The following STRN4 variants were observed in gnomAD, a reference collection of about 807,000 sequenced individuals.
The protein encoded by STRN4 is striatin-4.
A neutral mutation model predicts 77.9 loss-of-function variants in STRN4; 27 were observed. The observed-to-expected ratio is 0.35, with a 90% CI of 0.26 to 0.48. The LOEUF is 0.48. Among genes scored for constraint, STRN4 ranks in the 20% least tolerant of loss-of-function variants. STRN4 has a pLI of 0.99. For synonymous variants in STRN4, 466 were observed against 443.1 expected, an observed-to-expected ratio of 1.05 and a Z score of -0.65; for missense variants, 798 against 1,049.7, an observed-to-expected ratio of 0.76 and a Z score of 3.31.
At chr19:46,722,411 C>A (rs1225274507) in intron 14 of STRN4, 71 bp from the exon 15 acceptor site, 28 of 1,477,172 alleles carry the variant, frequency 1.9e-5, no homozygotes, top group Non-Finnish European at 2.6e-5. Flanking sequence ...GAGGCACAAG[C>A]GCAGCGTGAC....
At position 46,738,094 on chromosome 19, in the gene STRN4, T is replaced by C; in HGVS notation, c.460+70A>G. 1 of 1,496,920 alleles carries C rather than the reference T, an allele frequency of 6.7e-7. No individual in the cohort carries two copies. The highest frequency in any genetic ancestry group is 1.1e-5 in the South Asian group (1 of 88,720). 92.7% of individuals were successfully genotyped at this position (1,496,920 alleles called of 1,614,324 possible). The stretch of plus-strand genomic sequence containing the variant: ...CAAAGTGAGAAAGAGGCACCCCATC[T>C]TCCTGCTTCTCCAGAACACTCAGCT... On this transcript the variant is annotated intron_variant, in intron 3 of 17. Transcript: ENST00000263280. This position sits in a 1 kb window ranked among gnomAD's most constrained non-coding sequence, Gnocchi z 4.5.
In STRN4 at chr19:46,723,204, G is replaced by A. The variant is rs1367840827; in HGVS notation, c.1675C>T (p.Leu559=). Residue 559 remains leucine, a synonymous_variant, in exon 13 of 18, where the codon CTG becomes TTG. Transcript: ENST00000263280. This position sits in a 1 kb window ranked among gnomAD's most constrained non-coding sequence, Gnocchi z 5.5. ...GLAFSPTSQR[L]ASCSADGTVR... is the part of the protein sequence containing the mutation. ...GTGCCATCAGCAGAACAGGAGGCCAGGCGCTGGGAGGTGGGACTGAAGGCC... is the reference window on the plus strand; with the variant it reads ...GTGCCATCAGCAGAACAGGAGGCCAAGCGCTGGGAGGTGGGACTGAAGGCC... The A allele has an allele frequency of 1.3e-6, 2 of 1,555,070 alleles. No homozygotes were observed. Among genetic ancestry groups the A allele is most frequent in the Non-Finnish European group, 1.7e-6 (2 of 1,150,056 alleles).
intron 6 of STRN4, among the ~76,000 whole-genome samples, chr19:46,729,818 C>G (rs2054207926): frequency 6.6e-6 from 1 of 152,212 alleles, no homozygotes; most frequent in Admixed American, 6.5e-5. Flanking sequence ...TCCTCAACAA[C>G]TCAGACGGAG....
rs546217905 is a variant in STRN4 at position 46,733,348 on chromosome 19, C to G, written c.540-112G>C. The G allele has an allele frequency of 1.0e-6, 1 of 969,542 alleles. No individual in the cohort carries two copies. Among genetic ancestry groups the G allele is most frequent in the African/African-American group, 1.6e-5 (1 of 61,570 alleles). The allele number at this position is 969,542 out of a possible 1,614,324, so 60.1% of individuals were successfully genotyped here. A position where few individuals can be genotyped will look rare whatever the true frequency, so the allele number is the denominator to read the frequency against. On this transcript the variant is annotated intron_variant, in intron 4 of 17. Transcript: ENST00000263280. The surrounding 1 kb of genome is among the most constrained non-coding windows in gnomAD (Gnocchi z 4.3). ...TAAGGGGCCACTTAAGAGCATACAC[C>G]AAAATCTGACATAAGCACACCCTCG...
intron 4 of STRN4, among the ~76,000 whole-genome samples, chr19:46,734,911 G>A (rs1278455058): frequency 6.6e-6 from 1 of 152,118 alleles, no homozygotes; most frequent in Admixed American, 6.5e-5. Flanking sequence ...TGATCTGCCC[G>A]CCTCGGCCTC....
At chr19:46,736,683 G>A (rs1358958881) in intron 4 of STRN4, 140 bp downstream of exon 4, 3 of 926,444 alleles carry the variant, frequency 3.2e-6, no homozygotes, top group Non-Finnish European at 4.9e-6. Flanking sequence ...CAGGGTGAAA[G>A]CCATTCCAGC....
chr19:46,741,468 G>A lies in STRN4; in HGVS notation c.283-2580C>T, dbSNP rs2122391742. Among the ~76,000 whole-genome samples the A allele has an allele frequency of 6.6e-6, 1 of 152,312 alleles. No individual in the cohort carries two copies. Among genetic ancestry groups the A allele is most frequent in the East Asian group, 1.9e-4 (1 of 5,178 alleles). ...AGAAAGACATGGTTGGAGCATCTCA[G>A]GGAGGTGGAAACCCACCAAAAACGG... On this transcript the variant is annotated intron_variant, in intron 1 of 17. Coordinates refer to ENST00000263280, the MANE Select transcript of STRN4 (RefSeq NM_013403.3). This position sits in a 1 kb window ranked among gnomAD's most constrained non-coding sequence, Gnocchi z 4.9.
chr19:46,745,484 C>G (rs1023129120), intron 1 of STRN4, among the ~76,000 whole-genome samples: 3 of 151,970 alleles, frequency 2.0e-5, no homozygotes, highest in Non-Finnish European at 2.9e-5. Flanking sequence ...CCTTACACAG[C>G]CCTCCTTCCG....
intron 1 of STRN4, among the ~76,000 whole-genome samples, chr19:46,739,824 T>C (rs939685650): frequency 1.3e-5 from 2 of 152,252 alleles, no homozygotes; most frequent in Non-Finnish European, 2.9e-5. Flanking sequence ...CCTCCCCTCA[T>C]GTGCTAGGTT....
chr19:46,736,880 G>A lies in STRN4; in HGVS notation c.482C>T (p.Ser161Leu), dbSNP rs139788124. The change falls in exon 4 of 18, where the codon TCG (serine) becomes TTG (leucine). Residue 161 changes from serine to leucine, a missense_variant. Around this residue, in one of 2 missense-constraint regions of STRN4, gnomAD observed 511 missense variants for 575.9 expected, o/e 0.89. Coordinates refer to ENST00000263280, the MANE Select transcript of STRN4 (RefSeq NM_013403.3). ...CAACGGGCTGTTCTCCAGGGTGACCGATTCCACGGGGCCATTGGAGACTGG... is the reference window on the plus strand; with the variant it reads ...CAACGGGCTGTTCTCCAGGGTGACCAATTCCACGGGGCCATTGGAGACTGG... ...SEQVSNGPVE[S>L]VTLENSPLVW... 1.9e-4 allele frequency: 309 copies of A among 1,612,666 alleles called. No individual in the cohort carries two copies. The highest frequency in any genetic ancestry group is 2.4e-4 in the Non-Finnish European group (288 of 1,179,388).
chr19:46,723,450 G>A lies in STRN4; in HGVS notation c.1595-166C>T, dbSNP rs1225006117. ...GAACTGTCCACTGCCAGGACAGCCC[G>A]GCAGCTGCTCACACTGCCCACTAGC... On this transcript the variant is annotated intron_variant, in intron 12 of 17. Coordinates refer to ENST00000263280, the MANE Select transcript of STRN4 (RefSeq NM_013403.3). This position sits in a 1 kb window ranked among gnomAD's most constrained non-coding sequence, Gnocchi z 5.5. 6.6e-6 allele frequency among the ~76,000 whole-genome samples: 1 copy of A among 152,266 alleles called. No individual in the cohort carries two copies.
chr19:46,745,820 G>A, intron 1 of STRN4: 2 of 223,386 alleles, frequency 9.0e-6, no homozygotes, highest in South Asian at 2.5e-4. Context: ...GAGCCCCGCG[G>A]CCAGCGTGCT....
Position 46,738,696 on chromosome 19 carries a change from T to A in STRN4, c.386+89A>T. ...AAAGAATGTCGACCCCAAATCTCCC[T>A]TAGCTGGAAGGAGGCGTGGCTGGTG... On this transcript the variant is annotated intron_variant, in intron 2 of 17. Coordinates refer to ENST00000263280, the MANE Select transcript of STRN4 (RefSeq NM_013403.3). This position sits in a 1 kb window ranked among gnomAD's most constrained non-coding sequence, Gnocchi z 4.5. The A allele has an allele frequency of 8.1e-7, 1 of 1,240,918 alleles. No individual in the cohort carries two copies. The highest frequency in any genetic ancestry group is 1.2e-6 in the Non-Finnish European group (1 of 844,856). 76.9% of individuals were successfully genotyped at this position (1,240,918 alleles called of 1,614,324 possible). A position where few individuals can be genotyped will look rare whatever the true frequency, so the allele number is the denominator to read the frequency against.
rs766953974 is a variant in STRN4, at chr19:46,746,146, C to T, written c.282+3G>A. On this transcript the variant is annotated splice_donor_region_variant and intron_variant, in intron 1 of 17. Coordinates refer to ENST00000263280, the MANE Select transcript of STRN4 (RefSeq NM_013403.3). ...GGGTCGGGGGTCCCGGGACAGCGCT[C>T]ACCTGTAACTCGGCGCGCTCGGCCT... The T allele has an allele frequency of 1.7e-5, 26 of 1,515,004 alleles. No individual in the cohort carries two copies. The highest frequency in any genetic ancestry group is 2.2e-5 in the Non-Finnish European group (25 of 1,138,408). 93.8% of individuals were successfully genotyped at this position (1,515,004 alleles called of 1,614,324 possible).
intron 14 of STRN4, 127 bp downstream of exon 14, chr19:46,722,683 T>C (rs1179253719): frequency 7.1e-6 from 10 of 1,417,038 alleles, no homozygotes; most frequent in Admixed American, 4.2e-5. Flanking sequence ...ACTTCCTTCC[T>C]GCTCAGGGCC....
At position 46,720,611 on chromosome 19, in the gene STRN4, G is replaced by A; in HGVS notation, c.2253C>T (p.Val751=). Residue 751 remains valine (V), a synonymous_variant, in exon 17 of 18, where the codon GTC becomes GTT. Coordinates refer to ENST00000263280, the MANE Select transcript of STRN4 (RefSeq NM_013403.3). ...CAGGGCCAGGTGGGCATCATACGAA[G>A]ACCTTGGCCAGGGCATCAGCGCCAG... ...ASAGADALAK[V]FV The A allele has an allele frequency of 6.3e-7, 1 of 1,583,840 alleles. No homozygotes were observed. The highest frequency in any genetic ancestry group is 8.6e-7 in the Non-Finnish European group (1 of 1,161,686).
rs750471813 is a variant in STRN4, at chr19:46,722,352, C to T, written c.1907-12G>A. 6.8e-6 allele frequency: 11 copies of T among 1,612,940 alleles called. No homozygotes were observed. Among genetic ancestry groups the T allele is most frequent in the Middle Eastern group, 1.6e-4 (1 of 6,076 alleles). On this transcript the variant is annotated splice_polypyrimidine_tract_variant and intron_variant, in intron 14 of 17. Transcript: ENST00000263280. The stretch of plus-strand genomic sequence containing the variant: ...GATCTGGGTTGGACCTGAAGGAAAA[C>T]GCAGGAAGAGGGAAGGATGTCAAGC...
Position 46,733,848 on chromosome 19 carries a change from T to C in STRN4, c.540-612A>G, listed in dbSNP as rs999577805. On this transcript the variant is annotated intron_variant, in intron 4 of 17. Coordinates refer to ENST00000263280, the MANE Select transcript of STRN4 (RefSeq NM_013403.3). This position sits in a 1 kb window ranked among gnomAD's most constrained non-coding sequence, Gnocchi z 4.3. ...AATGAGCACTTATTACTTCTGCAATTTAAAAACTGAAGCCAGCTGGGACTG... is the reference window on the plus strand; with the variant it reads ...AATGAGCACTTATTACTTCTGCAATCTAAAAACTGAAGCCAGCTGGGACTG... 1.3e-5 allele frequency: 2 copies of C among 152,116 alleles called. No homozygotes were observed. Among genetic ancestry groups the C allele is most frequent in the Non-Finnish European group, 2.9e-5 (2 of 68,012 alleles). The allele number at this position is 152,116 out of a possible 1,614,324, so 9.4% of individuals were successfully genotyped here. A position where few individuals can be genotyped will look rare whatever the true frequency, so the allele number is the denominator to read the frequency against.
In STRN4 at chr19:46,738,125, G is replaced by C. The variant is rs568179406; in HGVS notation, c.460+39C>G. The stretch of plus-strand genomic sequence containing the variant: ...CTTCTCCAGAACACTCAGCTTCTGC[G>C]GGAGGGTGCCGACAGTGCGAGCATC... On this transcript the variant is annotated intron_variant, in intron 3 of 17. Transcript: ENST00000263280. The surrounding 1 kb of genome is among the most constrained non-coding windows in gnomAD (Gnocchi z 4.5). 1 of 1,593,368 alleles carries C rather than the reference G, an allele frequency of 6.3e-7. No individual in the cohort carries two copies. The highest frequency in any genetic ancestry group is 1.1e-5 in the South Asian group (1 of 90,648).
Sources: allele counts gnomAD v4.1 joint callset (sites outside exome capture counted in the v4.1 genomes callset), GRCh38; gene constraint gnomAD v4.1.1; regional missense constraint gnomAD v4.1.1; non-coding constraint Gnocchi (gnomAD v3.1); transcripts MANE v1.5; gene names NCBI Gene and HGNC (gene_info 2026-07-23, HGNC 2026-07-21).